The following NEGR1 variants were observed in gnomAD, a reference collection of about 807,000 sequenced individuals.
The protein encoded by NEGR1 is neuronal growth regulator 1.
NEGR1 carries 10 observed loss-of-function variants against 40.9 expected under a neutral mutation model. That is an observed-to-expected ratio of 0.24 (90% CI 0.15 to 0.42). The LOEUF is 0.42. Ranked by LOEUF, NEGR1 falls within the 10% of genes least tolerant of loss-of-function variation. The pLI, the probability that NEGR1 is intolerant of heterozygous loss-of-function variation, is 1.00. For synonymous variants in NEGR1, 185 were observed against 166.8 expected (o/e 1.11, Z -0.84); for missense variants, 352 against 438.9 (o/e 0.80, Z 1.77).
intron 1 of NEGR1, among the ~76,000 whole-genome samples, chr1:72,170,283 T>A (rs1215119170): frequency 6.6e-6 from 1 of 152,194 alleles, no homozygotes; most frequent in East Asian, 1.9e-4. Flanking sequence ...ACTTTTTCAA[T>A]GATAATATTT....
intron 2 of NEGR1, among the ~76,000 whole-genome samples, chr1:71,800,668 TTTG>T (rs544076744): frequency 3.3e-5 from 5 of 152,118 alleles, no homozygotes; most frequent in Non-Finnish European, 5.9e-5. Context: ...CTTTGCCTTC[TTTG>T]TTAAGAGAGG....
intron 2 of NEGR1, among the ~76,000 whole-genome samples, chr1:71,928,815 G>A (rs1025196003): frequency 5.3e-5 from 8 of 151,862 alleles, no homozygotes; most frequent in East Asian, 1.9e-4. Context: ...TATTGTTATC[G>A]GTAATTGAAC....
At chr1:71,916,835 G>C (rs1201331677) in intron 2 of NEGR1, among the ~76,000 whole-genome samples, 4 of 152,172 alleles carry the variant, frequency 2.6e-5, no homozygotes, top group African/African-American at 9.6e-5. Context: ...CTTATCATTA[G>C]ACAGATTATT....
At chr1:71,740,870 A>T (rs1655191412) in intron 3 of NEGR1, among the ~76,000 whole-genome samples, 2 of 152,110 alleles carry the variant, frequency 1.3e-5, no homozygotes, top group African/African-American at 4.8e-5. Flanking sequence ...TGGTCAAGTT[A>T]TGCTTTGGAA....
At chr1:71,948,583 TA>T (rs989437737) in intron 1 of NEGR1, among the ~76,000 whole-genome samples, 38 of 151,848 alleles carry the variant, frequency 2.5e-4, no homozygotes, top group African/African-American at 8.5e-4. Flanking sequence ...ACATGTATAG[TA>T]AAAAAAGTGA....
chr1:72,140,777 TTAA>T lies in NEGR1; in HGVS notation c.176+141539_176+141541del, dbSNP rs370252464. On this transcript the variant is annotated intron_variant, in intron 1 of 6. Transcript: ENST00000357731. ...ATTATACGTATGTAATTTTTAGACATTAATAATTGGACTTGATATATTATTCAT... is the reference window on the plus strand; with the variant it reads ...ATTATACGTATGTAATTTTTAGACATTAATTGGACTTGATATATTATTCAT... Among the ~76,000 whole-genome samples, 914 of 152,152 alleles carry T rather than the reference TTAA, an allele frequency of 6.0e-3. 9 individuals carry two copies. The highest frequency in any genetic ancestry group is 0.021 in the African/African-American group (871 of 41,548).
chr1:72,044,302 A>G (rs1270875120), intron 1 of NEGR1, among the ~76,000 whole-genome samples: 1 of 151,200 alleles, frequency 6.6e-6, no homozygotes, highest in Non-Finnish European at 1.5e-5. Context: ...TAAATGCAAT[A>G]AAACAAAGTT....
chr1:71,594,683 G>A (rs1176784916), intron 5 of NEGR1, among the ~76,000 whole-genome samples: 1 of 152,042 alleles, frequency 6.6e-6, no homozygotes, highest in African/African-American at 2.4e-5. Context: ...CATATTTTTA[G>A]CCTAGCAACA....
chr1:72,248,594 T>TTA (rs1248270595), intron 1 of NEGR1, among the ~76,000 whole-genome samples: 149 of 145,310 alleles, frequency 1.0e-3, no homozygotes, highest in African/African-American at 3.5e-3. Context: ...ATTATTATTA[T>TTA]TATTATTATT....
At chr1:71,727,541 G>C (rs1383203930) in intron 3 of NEGR1, among the ~76,000 whole-genome samples, 1 of 152,124 alleles carries the variant, frequency 6.6e-6, no homozygotes, top group East Asian at 1.9e-4. Flanking sequence ...GGAGATTGCA[G>C]ACTGACTTGG....
chr1:71,466,264 AT>A (rs1392435858), intron 6 of NEGR1, among the ~76,000 whole-genome samples: 1 of 152,126 alleles, frequency 6.6e-6, no homozygotes, highest in East Asian at 1.9e-4. Context: ...AAAATGCTAT[AT>A]TCCTAGGTAT....
chr1:71,957,258 C>T (rs1038658557), intron 1 of NEGR1, among the ~76,000 whole-genome samples: 1 of 152,034 alleles, frequency 6.6e-6, no homozygotes, highest in Admixed American at 6.6e-5. Context: ...GTCTACGGAG[C>T]AGAAAACTAA....
At chr1:72,105,662 G>A (rs1343540633) in intron 1 of NEGR1, among the ~76,000 whole-genome samples, 2 of 152,084 alleles carry the variant, frequency 1.3e-5, no homozygotes, top group African/African-American at 4.8e-5. Context: ...TTAGGATGTG[G>A]AAAACCTGAC....
At chr1:72,080,679 A>G (rs931558859) in intron 1 of NEGR1, among the ~76,000 whole-genome samples, 2 of 152,098 alleles carry the variant, frequency 1.3e-5, no homozygotes, top group East Asian at 3.8e-4. Context: ...CTGACCATAT[A>G]CGAGCTATGG....
intron 4 of NEGR1, among the ~76,000 whole-genome samples, chr1:71,638,146 A>T (rs995889048): frequency 6.6e-6 from 1 of 152,028 alleles, no homozygotes; most frequent in African/African-American, 2.4e-5. Context: ...CACTTTAAAC[A>T]TGGCTATCTC....
intron 1 of NEGR1, among the ~76,000 whole-genome samples, chr1:72,082,559 A>T (rs116066546): frequency 0.014 from 2,112 of 152,198 alleles, 49 homozygotes; most frequent in African/African-American, 0.048. Context: ...AAGAAAGGAA[A>T]TCTTCAATCT....
intron 1 of NEGR1, among the ~76,000 whole-genome samples, chr1:72,100,510 T>C (rs949077093): frequency 6.6e-6 from 1 of 152,210 alleles, no homozygotes; most frequent in Non-Finnish European, 1.5e-5. Context: ...GATGTTTTAG[T>C]ACATAATCTG....
intron 6 of NEGR1, among the ~76,000 whole-genome samples, chr1:71,507,241 C>T (rs1026826253): frequency 2.0e-5 from 3 of 152,120 alleles, no homozygotes; most frequent in Middle Eastern, 3.2e-3. Flanking sequence ...TTAGCCTGAT[C>T]CCAGACATCC....
chr1:72,021,810 T>C (rs1646758897), intron 1 of NEGR1, among the ~76,000 whole-genome samples: 2 of 152,144 alleles, frequency 1.3e-5, no homozygotes, highest in South Asian at 2.1e-4. Flanking sequence ...ACTTGGCGAA[T>C]TGATAATCCA....
Sources: gnomAD v4.1 joint callset for allele counts (sites outside exome capture counted in the v4.1 genomes callset) on GRCh38, gnomAD v4.1.1 for gene constraint, MANE v1.5 for transcripts, NCBI Gene and HGNC (gene_info 2026-07-23, HGNC 2026-07-21) for gene names.